FOXN2: variants seen among roughly 807,000 people sequenced by gnomAD.
FOXN2 encodes the protein forkhead box protein N2.
A neutral mutation model predicts 41.2 loss-of-function variants in FOXN2; 19 were observed. The observed-to-expected ratio is 0.46, with a 90% CI of 0.32 to 0.68. FOXN2 has a LOEUF of 0.68. Among genes scored for constraint, FOXN2 ranks in the 30% least tolerant of loss-of-function variants. The probability of loss-of-function intolerance (pLI) is 0.03; values close to 1 mark genes in which losing one functional copy is unlikely to be tolerated. For synonymous variants in FOXN2, 195 were observed against 176.8 expected (o/e 1.10, Z -0.82); for missense variants, 587 against 509.4 (o/e 1.15, Z -1.47).
intron 1 of FOXN2, among the ~76,000 whole-genome samples, chr2:48,324,229 C>G (rs1558611234): frequency 9.2e-6 from 1 of 109,148 alleles, no homozygotes; most frequent in Non-Finnish European, 2.0e-5. Context: ...GAGTTTCGCT[C>G]TGTCTCCCAG....
intron 3 of FOXN2, among the ~76,000 whole-genome samples, chr2:48,348,450 ATGTC>A (rs1476242674): frequency 2.6e-5 from 4 of 152,160 alleles, no homozygotes; most frequent in Non-Finnish European, 5.9e-5. Flanking sequence ...TTATTATATA[ATGTC>A]TGTCAGTTTC....
intron 1 of FOXN2, among the ~76,000 whole-genome samples, chr2:48,325,195 G>A (rs1669580502): frequency 6.6e-6 from 1 of 152,128 alleles, no homozygotes; most frequent in Admixed American, 6.6e-5. Flanking sequence ...GAATTCTGGA[G>A]CCAGTACTTC....
rs576938906 is a variant in FOXN2, at chr2:48,354,769, G to A, written c.538-4278G>A. On this transcript the variant is annotated intron_variant, in intron 3 of 6. Coordinates refer to ENST00000340553, the MANE Select transcript of FOXN2 (RefSeq NM_002158.4). ...AAAATGAAAATCTAATAGAAAAATG[G>A]GCAAGTATATGAATAGGCAGTTCAC... Among the ~76,000 whole-genome samples, 135 of 152,182 alleles carry A rather than the reference G, an allele frequency of 8.9e-4. 1 individual carries two copies. The highest frequency in any genetic ancestry group is 5.3e-4 in the Non-Finnish European group (36 of 68,006).
chr2:48,374,023 G>C (rs1673076134), intron 6 of FOXN2, among the ~76,000 whole-genome samples: 1 of 151,586 alleles, frequency 6.6e-6, no homozygotes, highest in South Asian at 2.1e-4. Flanking sequence ...GCAGTGAGCT[G>C]GAGAGCACTG....
Position 48,378,874 on chromosome 2 carries a change from T to C in FOXN2, c.*3431T>C, listed in dbSNP as rs1375986744. On this transcript the variant is annotated 3_prime_UTR_variant, in exon 7 of 7. Transcript: ENST00000340553. ...CTGCCAGTGCCATTGTCAAAACTTA[T>C]TTTTTAAATCGTTGTACATTTCTTA... 1.3e-5 allele frequency: 2 copies of C among 152,588 alleles called. No individual in the cohort carries two copies. Among genetic ancestry groups the C allele is most frequent in the African/African-American group, 2.4e-5 (1 of 41,462 alleles). The allele number at this position is 152,588 out of a possible 1,614,324, so 9.5% of individuals were successfully genotyped here. A position where few individuals can be genotyped will look rare whatever the true frequency, so the allele number is the denominator to read the frequency against.
At position 48,374,953 on chromosome 2, in the gene FOXN2, A is replaced by G. The variant is rs760479463; in HGVS notation, c.806A>G (p.Gln269Arg). ...CCTCTTCCTCTTAAAACAGCATTGC[A>G]AAAAAAGAGGAGTTACGGCAATGCA... ...EKPLPLKTAL[Q>R]KKRSYGNAFH... The change falls in exon 7 of 7, where the codon CAA (glutamine) becomes CGA (arginine). Residue 269 changes from glutamine to arginine, a missense_variant. Physicochemically the swap from Gln to Arg is conservative, Grantham distance 43. Coordinates refer to ENST00000340553, the MANE Select transcript of FOXN2 (RefSeq NM_002158.4). 3.1e-6 allele frequency: 5 copies of G among 1,612,496 alleles called. No homozygotes were observed. Among genetic ancestry groups the G allele is most frequent in the African/African-American group, 2.7e-5 (2 of 74,854 alleles).
intron 3 of FOXN2, among the ~76,000 whole-genome samples, chr2:48,354,175 TGAAGCCAAG>T (rs1671639092): frequency 6.6e-6 from 1 of 152,216 alleles, no homozygotes; most frequent in Non-Finnish European, 1.5e-5. Context: ...TATGGTGTAA[TGAAGCCAAG>T]GAAGCTAAGC....
At chr2:48,349,960 GAA>G in intron 3 of FOXN2, among the ~76,000 whole-genome samples, 1 of 152,350 alleles carries the variant, frequency 6.6e-6, no homozygotes, top group East Asian at 1.9e-4. Context: ...ATTCCCAGAA[GAA>G]GAAGAGTCTG....
At chr2:48,331,758 A>G (rs944295734) in intron 2 of FOXN2, among the ~76,000 whole-genome samples, 5 of 151,708 alleles carry the variant, frequency 3.3e-5, no homozygotes, top group African/African-American at 1.2e-4. Context: ...TTGAGGTTGC[A>G]GTGAGCTATG....
At chr2:48,366,190 C>G (rs1041181835) in intron 5 of FOXN2, among the ~76,000 whole-genome samples, 1 of 152,108 alleles carries the variant, frequency 6.6e-6, no homozygotes, top group Non-Finnish European at 1.5e-5. Flanking sequence ...AACCCCATCT[C>G]TACTAAAAAT....
rs115413696 is a variant in FOXN2, at chr2:48,342,728, A to G, written c.-14-3473A>G. 1.8e-3 allele frequency among the ~76,000 whole-genome samples: 277 copies of G among 152,280 alleles called. 1 individual carries two copies. Among genetic ancestry groups the G allele is most frequent in the Middle Eastern group, 6.8e-3 (2 of 294 alleles). On this transcript the variant is annotated intron_variant, in intron 2 of 6. Transcript: ENST00000340553. ...CCCTGAACATGCCTGATCTCATCTAAGTGGATAGTGCTCTAAAGTGTTCTA... is the reference window on the plus strand; with the variant it reads ...CCCTGAACATGCCTGATCTCATCTAGGTGGATAGTGCTCTAAAGTGTTCTA...
At chr2:48,336,062 A>G (rs1670327184) in intron 2 of FOXN2, among the ~76,000 whole-genome samples, 1 of 150,380 alleles carries the variant, frequency 6.6e-6, no homozygotes, top group African/African-American at 2.4e-5. Flanking sequence ...AAAAATAAAA[A>G]GCTGTATTAT....
At chr2:48,326,006 G>A (rs1185904461) in intron 1 of FOXN2, among the ~76,000 whole-genome samples, 1 of 151,946 alleles carries the variant, frequency 6.6e-6, no homozygotes, top group African/African-American at 2.4e-5. Flanking sequence ...ATGCCACCAC[G>A]CCCAGCTAAT....
At chr2:48,319,923 C>T (rs1199095612) in intron 1 of FOXN2, among the ~76,000 whole-genome samples, 1 of 150,986 alleles carries the variant, frequency 6.6e-6, no homozygotes, top group Non-Finnish European at 1.5e-5. Flanking sequence ...TGAGCCACCT[C>T]ACCTGGCCAA....
At chr2:48,343,626 G>T (rs189011776) in intron 2 of FOXN2, among the ~76,000 whole-genome samples, 19 of 152,104 alleles carry the variant, frequency 1.2e-4, no homozygotes, top group African/African-American at 4.6e-4. Flanking sequence ...GCTGGGCATG[G>T]TGTGTGCCTG....
rs374813993 is a variant in FOXN2, at chr2:48,355,294, A to G, written c.538-3753A>G. On this transcript the variant is annotated intron_variant, in intron 3 of 6. Coordinates refer to ENST00000340553, the MANE Select transcript of FOXN2 (RefSeq NM_002158.4). ...AAGAAATTAAGGAAGTGAGAGCTAG[A>G]GAATGGGAAAGGATGCAGTCCAGAG... Among the ~76,000 whole-genome samples, 16 of 152,342 alleles carry G rather than the reference A, an allele frequency of 1.1e-4. No homozygotes were observed. In the South Asian group the frequency reaches 3.3e-3, roughly 32 times the overall value.
upstream of FOXN2, among the ~76,000 whole-genome samples, chr2:48,314,327 G>A (rs1466420554): frequency 6.6e-6 from 1 of 152,248 alleles, no homozygotes; most frequent in Admixed American, 6.5e-5. Flanking sequence ...CCTCGGACAT[G>A]CGAGGCCTTT....
Position 48,346,205 on chromosome 2 carries a change from G to GT in FOXN2, c.-9dup, listed in dbSNP as rs1399319493. 6.3e-7 allele frequency: 1 copy of GT among 1,583,688 alleles called. No individual in the cohort carries two copies. Among genetic ancestry groups the GT allele is most frequent in the African/African-American group, 1.4e-5 (1 of 73,172 alleles). On this transcript the variant is annotated 5_prime_UTR_variant, in exon 3 of 7. The change creates a premature stop within an existing upstream ORF in the 5' untranslated region. Transcript: ENST00000340553. ...TAATTGTTTCCTTTGTTGCAGAACT[G>GT]TAAGAGTAAATGGGTCCAGTAATTG...
chr2:48,364,984 T>C lies in FOXN2; in HGVS notation c.703+2277T>C, dbSNP rs531944079. ...AACTTTAATTTTAAAAGATAATAAG[T>C]TGACTTTTTAAAAGTATATCAAAAT... On this transcript the variant is annotated intron_variant, in intron 5 of 6. Transcript: ENST00000340553. Among the ~76,000 whole-genome samples, 13 of 152,378 alleles carry C rather than the reference T, an allele frequency of 8.5e-5. No individual in the cohort carries two copies. In the South Asian group the frequency reaches 2.7e-3, roughly 32 times the overall value.
Sources: allele counts gnomAD v4.1 joint callset (sites outside exome capture counted in the v4.1 genomes callset), GRCh38; gene constraint gnomAD v4.1.1; transcripts MANE v1.5; gene names NCBI Gene and HGNC (gene_info 2026-07-23, HGNC 2026-07-21).